The following JAM2 variants were observed in gnomAD, a reference collection of about 807,000 sequenced individuals.
The protein encoded by JAM2 is junctional adhesion molecule 2, also known as junctional adhesion molecule B.
A neutral mutation model predicts 42.0 loss-of-function variants in JAM2; 17 were observed. That is an observed-to-expected ratio of 0.40 (90% CI 0.28 to 0.61). The LOEUF (loss-of-function observed/expected upper bound fraction) is 0.61. Ranked by LOEUF, JAM2 falls within the 20% of genes least tolerant of loss-of-function variation. The probability of loss-of-function intolerance (pLI) is 0.37; values close to 1 mark genes in which losing one functional copy is unlikely to be tolerated. For synonymous variants in JAM2, 118 were observed against 128.6 expected (o/e 0.92, Z 0.56); for missense variants, 319 against 358.3 (o/e 0.89, Z 0.89).
intron 1 of JAM2, among the ~76,000 whole-genome samples, chr21:25,673,358 T>C (rs998730496): frequency 1.3e-5 from 2 of 152,266 alleles, no homozygotes; most frequent in African/African-American, 4.8e-5. Context: ...ATGTAACTTA[T>C]ATGAAAATAA....
At chr21:25,687,754 A>G (rs191861987) in intron 2 of JAM2, among the ~76,000 whole-genome samples, 17 of 152,268 alleles carry the variant, frequency 1.1e-4, no homozygotes, top group Non-Finnish European at 2.2e-4. Context: ...TTCTCAAAGA[A>G]CCATATAATG....
At position 25,669,190 on chromosome 21, in the gene JAM2, C is replaced by T. The variant is rs771935559; in HGVS notation, c.68-14693C>T. On this transcript the variant is annotated intron_variant, in intron 1 of 9. Coordinates refer to ENST00000480456, the MANE Select transcript of JAM2 (RefSeq NM_021219.4). Reference sequence around the variant, plus strand: ...AAGTTTGAGACCAGCTTGGGCAACACGGTGAAACCCCATTTCTACAAAAAA... The same window carrying T: ...AAGTTTGAGACCAGCTTGGGCAACATGGTGAAACCCCATTTCTACAAAAAA... Among the ~76,000 whole-genome samples the T allele has an allele frequency of 1.8e-4, 27 of 151,966 alleles. 1 individual carries two copies. Among genetic ancestry groups the T allele is most frequent in the South Asian group, 1.7e-3 (8 of 4,804 alleles).
intron 1 of JAM2, among the ~76,000 whole-genome samples, chr21:25,657,229 G>A (rs963014607): frequency 5.9e-5 from 9 of 152,036 alleles, no homozygotes; most frequent in African/African-American, 1.7e-4. Flanking sequence ...GTCCAGGTTG[G>A]TCTTGAACTC....
chr21:25,713,786 A>G (rs1168047629), intron 9 of JAM2, among the ~76,000 whole-genome samples: 1 of 152,224 alleles, frequency 6.6e-6, no homozygotes, highest in Non-Finnish European at 1.5e-5. Flanking sequence ...TCTGCAATTT[A>G]CAGAAAGTAC....
At chr21:25,655,890 T>C (rs1352297768) in intron 1 of JAM2, among the ~76,000 whole-genome samples, 1 of 150,424 alleles carries the variant, frequency 6.6e-6, no homozygotes, top group Non-Finnish European at 1.5e-5. Flanking sequence ...AAAAGCTATT[T>C]ATTTAGTCTA....
At chr21:25,696,677 G>A (rs1259089526) in intron 4 of JAM2, among the ~76,000 whole-genome samples, 2 of 152,104 alleles carry the variant, frequency 1.3e-5, no homozygotes, top group African/African-American at 4.8e-5. Flanking sequence ...CACAGGCTAC[G>A]AGGAAAATCT....
At chr21:25,681,637 G>C (rs2123365311) in intron 1 of JAM2, among the ~76,000 whole-genome samples, 1 of 152,272 alleles carries the variant, frequency 6.6e-6, no homozygotes, top group East Asian at 1.9e-4. Flanking sequence ...TTCTGAGTTT[G>C]AAACAATTAA....
chr21:25,645,119 G>A (rs1227317242), intron 1 of JAM2, among the ~76,000 whole-genome samples: 2 of 152,188 alleles, frequency 1.3e-5, no homozygotes, highest in African/African-American at 4.8e-5. Context: ...GACCTCAGAT[G>A]ATCTGCCTGC....
intron 3 of JAM2, chr21:25,692,036 T>C (rs1251872113): frequency 2.0e-5 from 3 of 150,766 alleles, no homozygotes; most frequent in Non-Finnish European, 4.4e-5. Context: ...ACATACATAA[T>C]GTGGAAGGGC....
chr21:25,710,730 AGGAGT>A (rs1192719486), intron 8 of JAM2, among the ~76,000 whole-genome samples: 2 of 152,308 alleles, frequency 1.3e-5, no homozygotes, highest in African/African-American at 4.8e-5. Context: ...GCAGATTGTA[AGGAGT>A]CCCTTTTAGG....
chr21:25,654,623 G>C (rs1390004042), intron 1 of JAM2, among the ~76,000 whole-genome samples: 1 of 148,856 alleles, frequency 6.7e-6, no homozygotes, highest in Non-Finnish European at 1.5e-5. Flanking sequence ...ACTCTAGCCT[G>C]GGCAACAGAG....
intron 1 of JAM2, among the ~76,000 whole-genome samples, chr21:25,682,905 C>G (rs563862617): frequency 2.0e-5 from 3 of 151,946 alleles, no homozygotes; most frequent in African/African-American, 4.8e-5. Flanking sequence ...GGTGTTCAGA[C>G]GTCTCTCCTC....
rs560375521 is a variant in JAM2, at chr21:25,702,042, G to A, written c.598-128G>A. The A allele has an allele frequency of 2.5e-5, 12 of 479,134 alleles. No individual in the cohort carries two copies. In the South Asian group the frequency reaches 5.3e-4, roughly 21 times the overall value. The allele number at this position is 479,134 out of a possible 1,614,324, so 29.7% of individuals were successfully genotyped here. ...GGCAGATTTTTAAATTCATAGTAAAGACAGAAAGTCCCAAATTTTTAAAAA... is the reference window on the plus strand; with the variant it reads ...GGCAGATTTTTAAATTCATAGTAAAAACAGAAAGTCCCAAATTTTTAAAAA... On this transcript the variant is annotated intron_variant, in intron 5 of 9. Coordinates refer to ENST00000480456, the MANE Select transcript of JAM2 (RefSeq NM_021219.4).
chr21:25,694,799 C>T (rs1163190923), intron 4 of JAM2, among the ~76,000 whole-genome samples: 1 of 150,398 alleles, frequency 6.6e-6, no homozygotes, highest in South Asian at 2.1e-4. Flanking sequence ...ATGATTGTGC[C>T]ACTGCATTTT....
chr21:25,655,521 C>T (rs6516682), intron 1 of JAM2, among the ~76,000 whole-genome samples: 57,099 of 145,272 alleles, frequency 0.39, 13,164 homozygotes, highest in East Asian at 0.64. Flanking sequence ...CACTCTGTCA[C>T]ACAGGCTGGA....
chr21:25,688,185 C>T (rs2033792176), intron 2 of JAM2, among the ~76,000 whole-genome samples: 1 of 151,918 alleles, frequency 6.6e-6, no homozygotes, highest in Non-Finnish European at 1.5e-5. Context: ...GTATAAGTTT[C>T]ATAGAGGTTT....
chr21:25,712,219 A>C, intron 8 of JAM2, 121 bp from the exon 9 acceptor site: 1 of 729,378 alleles, frequency 1.4e-6, no homozygotes, highest in Non-Finnish European at 2.5e-6. Context: ...TTTCTACCTA[A>C]GATATATGTT....
Position 25,689,829 on chromosome 21 carries a change from A to G in JAM2, c.134-37A>G, listed in dbSNP as rs374224793. 1.0e-5 allele frequency: 13 copies of G among 1,299,916 alleles called. No homozygotes were observed. In the African/African-American group the frequency reaches 1.6e-4, roughly 16 times the overall value. The allele number at this position is 1,299,916 out of a possible 1,614,324, so 80.5% of individuals were successfully genotyped here. The stretch of plus-strand genomic sequence containing the variant: ...TTAAGTAAAATATAAATTCATGGGG[A>G]CAATTAGAAAACAAGTATTTTTATT... On this transcript the variant is annotated intron_variant, in intron 2 of 9. Transcript: ENST00000480456.
intron 6 of JAM2, among the ~76,000 whole-genome samples, chr21:25,705,240 C>CT (rs768712193): frequency 2.6e-4 from 40 of 151,788 alleles, no homozygotes; most frequent in Non-Finnish European, 5.0e-4. Flanking sequence ...ATGACATGTG[C>CT]TTTTTTTTAA....
Sources: gnomAD v4.1 joint callset for allele counts (sites outside exome capture counted in the v4.1 genomes callset) on GRCh38, gnomAD v4.1.1 for gene constraint, MANE v1.5 for transcripts, NCBI Gene and HGNC (gene_info 2026-07-23, HGNC 2026-07-21) for gene names.